The following PEAK1 variants were observed in gnomAD, a reference collection of about 807,000 sequenced individuals.
PEAK1 encodes pseudopodium enriched atypical kinase 1.
A neutral mutation model predicts 124.7 loss-of-function variants in PEAK1; 54 were observed. That is an observed-to-expected ratio of 0.43 (90% CI 0.35 to 0.54). The LOEUF is 0.54. Among genes scored for constraint, PEAK1 ranks in the 20% least tolerant of loss-of-function variants. PEAK1 has a pLI of 0.01. For missense variants in PEAK1, 2,046 were observed against 2,134.5 expected, an observed-to-expected ratio of 0.96 and a Z score of 0.82; for synonymous variants, 719 against 760.0, an observed-to-expected ratio of 0.95 and a Z score of 0.89.
At chr15:77,222,703 G>T (rs1446370713) in intron 6 of PEAK1, among the ~76,000 whole-genome samples, 1 of 151,930 alleles carries the variant, frequency 6.6e-6, no homozygotes, top group Admixed American at 6.6e-5. Context: ...TAGCCCTCTG[G>T]ACAAACTCCA....
chr15:77,168,221 ATATG>A lies in PEAK1; in HGVS notation c.3138-9529_3138-9526del, dbSNP rs2056249937. Among the ~76,000 whole-genome samples, 3 of 135,188 alleles carry A rather than the reference ATATG, an allele frequency of 2.2e-5. No individual in the cohort carries two copies. In the Admixed American group the frequency reaches 2.4e-4, roughly 11 times the overall value. 88.7% of individuals were successfully genotyped at this position (135,188 alleles called of 152,430 possible). A position where few individuals can be genotyped will look rare whatever the true frequency, so the allele number is the denominator to read the frequency against. ...TTTTCCATGCCATATGTACATGCAC[ATATG>A]CATGTGCGCGCGCACACACACACAC... is the stretch of plus-strand genomic sequence containing the variant. On this transcript the variant is annotated intron_variant, in intron 7 of 9. Coordinates refer to ENST00000682557, the MANE Select transcript of PEAK1 (RefSeq NM_001385026.1).
chr15:77,123,142 C>T (rs1375530325), intron 9 of PEAK1, among the ~76,000 whole-genome samples: 2 of 152,132 alleles, frequency 1.3e-5, no homozygotes, highest in Admixed American at 1.3e-4. Flanking sequence ...TCCTTGAGAA[C>T]AAAGACTGGG....
chr15:77,406,715 A>T (rs1366106565), intron 1 of PEAK1, among the ~76,000 whole-genome samples: 3 of 152,176 alleles, frequency 2.0e-5, no homozygotes, highest in African/African-American at 7.2e-5. Flanking sequence ...AAAAGCAATC[A>T]ACAAATTCAA....
At chr15:77,235,391 C>T (rs1459692570) in intron 6 of PEAK1, among the ~76,000 whole-genome samples, 1 of 152,024 alleles carries the variant, frequency 6.6e-6, no homozygotes, top group Non-Finnish European at 1.5e-5. Flanking sequence ...ACAATTAAGT[C>T]CAGGCTGAGG....
At chr15:77,107,642 G>C (rs973194577), downstream of PEAK1, 1 of 152,234 alleles carries the variant, frequency 6.6e-6, no homozygotes, top group South Asian at 2.1e-4. Flanking sequence ...CTGCGCTGCT[G>C]AAGTGTCCAC....
chr15:77,282,936 C>T (rs2062745070), intron 5 of PEAK1, among the ~76,000 whole-genome samples: 1 of 152,058 alleles, frequency 6.6e-6, no homozygotes, highest in East Asian at 1.9e-4. Context: ...GTAAAAAAAA[C>T]CTTTGCATAT....
intron 2 of PEAK1, among the ~76,000 whole-genome samples, chr15:77,294,184 C>G (rs2063366780): frequency 6.6e-6 from 1 of 152,158 alleles, no homozygotes; most frequent in Non-Finnish European, 1.5e-5. Flanking sequence ...TCTCTGAAAG[C>G]TGAGACTGGC....
At chr15:77,134,426 T>A (rs1295741721) in intron 8 of PEAK1, among the ~76,000 whole-genome samples, 1 of 152,218 alleles carries the variant, frequency 6.6e-6, no homozygotes, top group East Asian at 1.9e-4. Context: ...ATATGAGCAG[T>A]CAACTTCTGT....
At chr15:77,385,759 T>C (rs1014658813) in intron 1 of PEAK1, among the ~76,000 whole-genome samples, 3 of 152,208 alleles carry the variant, frequency 2.0e-5, no homozygotes, top group Non-Finnish European at 2.9e-5. Flanking sequence ...CATTTTATCA[T>C]GGTGATTAAG....
chr15:77,360,820 T>A (rs549280315), intron 2 of PEAK1, among the ~76,000 whole-genome samples: 3 of 151,902 alleles, frequency 2.0e-5, no homozygotes, highest in Non-Finnish European at 4.4e-5. Flanking sequence ...AATTTTAAAA[T>A]GGCAAAGGAT....
At chr15:77,284,926 ACACAC>A (rs1268947604) in intron 4 of PEAK1, 27 bp downstream of exon 4, 2 of 151,786 alleles carry the variant, frequency 1.3e-5, no homozygotes, top group African/African-American at 4.9e-5. Context: ...ACACACACAC[ACACAC>A]AATTAGCCAG....
intron 2 of PEAK1, chr15:77,346,135 GA>G (rs1043567252): frequency 6.9e-5 from 68 of 985,168 alleles, no homozygotes; most frequent in Non-Finnish European, 8.0e-5. Context: ...ATATTTTATA[GA>G]ATTGCCACTT....
chr15:77,348,744 T>C (rs1327001952), intron 2 of PEAK1: 7 of 981,098 alleles, frequency 7.1e-6, no homozygotes, highest in South Asian at 4.7e-5. Flanking sequence ...TTCTTAGTTA[T>C]AGAACTGTGA....
At chr15:77,285,954 T>TG (rs1354186456) in intron 3 of PEAK1, among the ~76,000 whole-genome samples, 1 of 152,168 alleles carries the variant, frequency 6.6e-6, no homozygotes, top group African/African-American at 2.4e-5. Context: ...GTTAGAGTGT[T>TG]GATTTTAGAT....
Position 77,180,617 on chromosome 15 carries a change from C to T in PEAK1, c.1310G>A (p.Ser437Asn). The T allele has an allele frequency of 6.2e-7, 1 of 1,614,170 alleles. No individual in the cohort carries two copies. Among genetic ancestry groups the T allele is most frequent in the Non-Finnish European group, 8.5e-7 (1 of 1,180,012 alleles). Reference protein sequence around the residue: ...KIAVQTEKEESKASTDVAGQA... With the variant: ...KIAVQTEKEENKASTDVAGQA... ...CCCAGCAACATCTGTAGAGGCTTTA[C>T]TTTCTTCCTTCTCAGTTTGTACAGC... Residue 437 changes from serine to asparagine, a missense_variant, in exon 7 of 10, where the codon AGT (serine) becomes AAT (asparagine). Transcript: ENST00000682557.
chr15:77,418,429 G>A, intron 1 of PEAK1: 2 of 985,404 alleles, frequency 2.0e-6, no homozygotes, highest in Non-Finnish European at 2.4e-6. Flanking sequence ...CGACAGCAAT[G>A]AAAAGGGGAT....
chr15:77,133,748 G>T lies in PEAK1; in HGVS notation c.3334C>A (p.Gln1112Lys). The stretch of plus-strand genomic sequence containing the variant: ...GGAGGTATCATGGCTGCTCTAGATT[G>T]CCCTGTATTGTTTTTAAAGCAATAA... Reference protein sequence around the residue: ...PCSATYSNLGQSRAAMIPPKQ... With the variant: ...PCSATYSNLGKSRAAMIPPKQ... The change falls in exon 9 of 10, where the codon CAA becomes AAA. Residue 1112 changes from glutamine to lysine, a missense_variant and splice_region_variant. Physicochemically the swap from Gln to Lys is moderately conservative, Grantham distance 53. Coordinates refer to ENST00000682557, the MANE Select transcript of PEAK1 (RefSeq NM_001385026.1). The surrounding 1 kb of genome is among the most constrained non-coding windows in gnomAD (Gnocchi z 4.2). 1 of 1,560,300 alleles carries T rather than the reference G, an allele frequency of 6.4e-7. No individual in the cohort carries two copies. Among genetic ancestry groups the T allele is most frequent in the Non-Finnish European group, 8.6e-7 (1 of 1,157,612 alleles).
At chr15:77,255,484 T>A (rs1386527098) in intron 5 of PEAK1, 1 of 672,170 alleles carries the variant, frequency 1.5e-6, no homozygotes, top group Non-Finnish European at 1.8e-6. Flanking sequence ...TTACAACGTT[T>A]TGGGAAAACA....
chr15:77,159,853 T>C (rs2055475766), intron 7 of PEAK1, among the ~76,000 whole-genome samples: 1 of 152,218 alleles, frequency 6.6e-6, no homozygotes, highest in East Asian at 1.9e-4. Flanking sequence ...ATGGAAATTA[T>C]GCATGTGCCT....
Sources: gnomAD v4.1 joint callset for allele counts (sites outside exome capture counted in the v4.1 genomes callset) on GRCh38, gnomAD v4.1.1 for gene constraint, Gnocchi (gnomAD v3.1) non-coding constraint, MANE v1.5 for transcripts, NCBI Gene and HGNC (gene_info 2026-07-23, HGNC 2026-07-21) for gene names.